Variants in ZMYND8 observed in about 807,000 individuals in gnomAD.
ZMYND8 encodes zinc finger MYND-type containing 8, also known as MYND-type zinc finger-containing chromatin reader ZMYND8.
Under a neutral mutation model 140.8 loss-of-function variants are expected in ZMYND8, and 37 were observed. That is an observed-to-expected ratio of 0.26 (90% CI 0.20 to 0.35). The LOEUF (loss-of-function observed/expected upper bound fraction) is 0.35, where lower values mean the gene tolerates loss of function less well. Among genes scored for constraint, ZMYND8 ranks in the 10% least tolerant of loss-of-function variants. The pLI is 1.00. For missense variants in ZMYND8, 1,068 were observed against 1,570.0 expected, an observed-to-expected ratio of 0.68 and a Z score of 5.40; for synonymous variants, 592 against 597.1, an observed-to-expected ratio of 0.99 and a Z score of 0.12.
intron 15 of ZMYND8, chr20:47,238,389 T>TATACATGC (rs947764881): frequency 6.0e-6 from 2 of 333,294 alleles, no homozygotes; most frequent in Non-Finnish European, 1.1e-5. Flanking sequence ...TATATATACA[T>TATACATGC]ATACATGCAT....
chr20:47,224,265 C>A, intron 19 of ZMYND8, 52 bp downstream of exon 19: 2 of 1,607,200 alleles, frequency 1.2e-6, no homozygotes, highest in Non-Finnish European at 1.7e-6. Flanking sequence ...CAGGGGAGAC[C>A]AATGCCAAGC....
chr20:47,314,689 A>G (rs1217717443), intron 2 of ZMYND8, among the ~76,000 whole-genome samples: 2 of 152,178 alleles, frequency 1.3e-5, no homozygotes, highest in Non-Finnish European at 2.9e-5. Flanking sequence ...TCTCAACTCT[A>G]CACAATCCTG....
At chr20:47,276,255 C>G in intron 11 of ZMYND8, 59 bp downstream of exon 11, 4 of 1,488,400 alleles carry the variant, frequency 2.7e-6, no homozygotes, top group Non-Finnish European at 3.6e-6. Context: ...CAAGTGTGCA[C>G]CCATGGGAAA....
intron 21 of ZMYND8, among the ~76,000 whole-genome samples, chr20:47,216,014 T>G (rs1384601495): frequency 6.6e-6 from 1 of 152,144 alleles, no homozygotes; most frequent in Non-Finnish European, 1.5e-5. Flanking sequence ...TGCAGATGCC[T>G]TTGAACGGCA....
At position 47,210,310 on chromosome 20, in the gene ZMYND8, T is replaced by G. The variant is rs569337448; in HGVS notation, c.*451A>C. On this transcript the variant is annotated 3_prime_UTR_variant, in exon 23 of 23. Transcript: ENST00000471951. ...AAGGATGAGGACGTGAGTATGAAAG[T>G]GGTCCCCGGGCCCAGTATCCATTCC... 3 of 165,354 alleles carry G rather than the reference T, an allele frequency of 1.8e-5. No homozygotes were observed. Among genetic ancestry groups the G allele is most frequent in the Middle Eastern group, 3.2e-3 (1 of 314 alleles). The allele number at this position is 165,354 out of a possible 1,614,324, so 10.2% of individuals were successfully genotyped here.
At chr20:47,352,086 C>T in intron 1 of ZMYND8, 1 of 858,586 alleles carries the variant, frequency 1.2e-6, no homozygotes, top group Non-Finnish European at 1.4e-6. Context: ...AGGAATCGTG[C>T]AGCCCCGTGG....
chr20:47,283,866 C>G (rs980893292), intron 8 of ZMYND8, among the ~76,000 whole-genome samples: 10 of 152,148 alleles, frequency 6.6e-5, no homozygotes, highest in Admixed American at 4.6e-4. Flanking sequence ...TAACTCCCCA[C>G]GTCACCCACT....
At chr20:47,325,368 T>A (rs2080325889) in intron 2 of ZMYND8, among the ~76,000 whole-genome samples, 1 of 152,116 alleles carries the variant, frequency 6.6e-6, no homozygotes. Flanking sequence ...AAAGTACATA[T>A]CAGACCGACT....
At chr20:47,356,309 G>A in intron 1 of ZMYND8, 8 of 1,304,464 alleles carry the variant, frequency 6.1e-6, no homozygotes, top group Admixed American at 2.7e-5. Context: ...AGAGAGAGAG[G>A]GGAAGAGAGA....
At chr20:47,312,198 G>A (rs756100712) in intron 2 of ZMYND8, among the ~76,000 whole-genome samples, 16 of 152,188 alleles carry the variant, frequency 1.1e-4, no homozygotes, top group East Asian at 1.9e-4. Flanking sequence ...CTGTCTGTAG[G>A]AGGGTCACTG....
intron 1 of ZMYND8, chr20:47,349,037 A>C (rs540023414): frequency 2.4e-4 from 37 of 152,246 alleles, no homozygotes; most frequent in Admixed American, 2.2e-3. Flanking sequence ...TGGGGAAGAG[A>C]GAATGTCCTG....
chr20:47,323,162 C>T (rs1302765921), intron 2 of ZMYND8, among the ~76,000 whole-genome samples: 4 of 152,164 alleles, frequency 2.6e-5, no homozygotes, highest in Non-Finnish European at 5.9e-5. Flanking sequence ...TACTTTATTA[C>T]CATTATTCTC....
intron 11 of ZMYND8, among the ~76,000 whole-genome samples, chr20:47,268,988 G>A (rs2075745299): frequency 6.6e-6 from 1 of 152,082 alleles, no homozygotes; most frequent in Non-Finnish European, 1.5e-5. Flanking sequence ...ATCATCTGAG[G>A]TCAGGAGTTC....
intron 22 of ZMYND8, among the ~76,000 whole-genome samples, chr20:47,211,100 A>G (rs1294875605): frequency 3.3e-5 from 5 of 152,188 alleles, no homozygotes; most frequent in African/African-American, 1.2e-4. Flanking sequence ...GGATTTAACG[A>G]CAACCGGTTG....
At chr20:47,294,966 C>G (rs181349822) in intron 4 of ZMYND8, among the ~76,000 whole-genome samples, 187 bp from the exon 5 acceptor site, 1 of 152,142 alleles carries the variant, frequency 6.6e-6, no homozygotes, top group Non-Finnish European at 1.5e-5. Flanking sequence ...TATTAAAAAG[C>G]GTATCAATCT....
chr20:47,334,965 C>G (rs1350710874), intron 2 of ZMYND8, among the ~76,000 whole-genome samples: 1 of 151,878 alleles, frequency 6.6e-6, no homozygotes, highest in Non-Finnish European at 1.5e-5. Context: ...GAGAACTGGG[C>G]CCAGGAGTGG....
chr20:47,349,733 T>C, intron 1 of ZMYND8: 3 of 1,326,612 alleles, frequency 2.3e-6, no homozygotes, highest in South Asian at 2.8e-5. Flanking sequence ...ATGAAGTATG[T>C]GAAATTCTAA....
Position 47,347,904 on chromosome 20 carries a change from T to C in ZMYND8, c.37A>G (p.Thr13Ala), listed in dbSNP as rs763800337. The C allele has an allele frequency of 1.2e-6, 2 of 1,613,998 alleles. No homozygotes were observed. The highest frequency in any genetic ancestry group is 2.2e-5 in the East Asian group (1 of 44,884). Reference protein sequence around the residue: ...PQSLAEEEIKTEQEVVEGMDI... With the variant: ...PQSLAEEEIKAEQEVVEGMDI... ...ATGCCCTCTACCACCTCCTGTTCTG[T>C]TTTTATTTCCTCTTCAGCCAAGCTG... Residue 13 changes from threonine (T) to alanine (A), a missense_variant, in exon 2 of 23, where the codon ACA (threonine) becomes GCA (alanine). By Grantham distance (58) the Thr-to-Ala change is moderately conservative. This residue lies in a region of ZMYND8 where 77 missense variants were observed against 85.1 expected (regional missense o/e 0.91). Transcript: ENST00000471951.
intron 2 of ZMYND8, among the ~76,000 whole-genome samples, chr20:47,325,062 G>A (rs551924694): frequency 1.2e-3 from 179 of 151,970 alleles, no homozygotes; most frequent in African/African-American, 3.4e-3. Flanking sequence ...GCGCCACCAC[G>A]CCCAGCTAAT....
Sources: allele counts gnomAD v4.1 joint callset (sites outside exome capture counted in the v4.1 genomes callset), GRCh38; gene constraint gnomAD v4.1.1; regional missense constraint gnomAD v4.1.1; transcripts MANE v1.5; gene names NCBI Gene and HGNC (gene_info 2026-07-23, HGNC 2026-07-21).